LYZL2: variants seen among roughly 807,000 people sequenced by gnomAD.
LYZL2 encodes lysozyme-like protein 2.
LYZL2 carries 13 observed loss-of-function variants against 17.1 expected under a neutral mutation model. The observed-to-expected ratio is 0.76, with a 90% CI of 0.49 to 1.21. The LOEUF is 1.21. LYZL2 is among the 50% of genes most tolerant of loss of function. The pLI, the probability that LYZL2 is intolerant of heterozygous loss-of-function variation, is 0.00. For missense variants in LYZL2, 166 were observed against 189.2 expected (o/e 0.88, Z 0.72); for synonymous variants, 63 against 74.4 (o/e 0.85, Z 0.79).
intron 3 of LYZL2, among the ~76,000 whole-genome samples, chr10:30,615,179 A>T (rs1838508002): frequency 6.6e-6 from 1 of 152,250 alleles, no homozygotes; most frequent in South Asian, 2.1e-4. Context: ...ATATGTTTAT[A>T]TAGAGAGTGG....
At chr10:30,625,998 A>G in intron 3 of LYZL2, 107 bp downstream of exon 3, 9 of 1,508,306 alleles carry the variant, frequency 6.0e-6, no homozygotes, top group Non-Finnish European at 8.0e-6. Flanking sequence ...ACCTATTTGC[A>G]AGTCTGAACT....
chr10:30,609,540 G>A (rs960448549), downstream of LYZL2, among the ~76,000 whole-genome samples: 2 of 152,258 alleles, frequency 1.3e-5, no homozygotes, highest in Non-Finnish European at 2.9e-5. Flanking sequence ...CAAAGAGCCA[G>A]ATGCTGGAGA....
downstream of LYZL2, among the ~76,000 whole-genome samples, chr10:30,609,730 T>C (rs1564405346): frequency 6.6e-6 from 1 of 152,188 alleles, no homozygotes; most frequent in East Asian, 1.9e-4. Flanking sequence ...AAAGGGAACA[T>C]GAGTGTGGGT....
chr10:30,614,385 C>T (rs1443925972), intron 3 of LYZL2, among the ~76,000 whole-genome samples: 1 of 152,206 alleles, frequency 6.6e-6, no homozygotes, highest in Non-Finnish European at 1.5e-5. Flanking sequence ...CAAGTCAGGC[C>T]CACATGCCAG....
intron 3 of LYZL2, among the ~76,000 whole-genome samples, chr10:30,625,450 A>T (rs1838686937): frequency 6.6e-6 from 1 of 152,110 alleles, no homozygotes; most frequent in Non-Finnish European, 1.5e-5. Context: ...GTGAAGTCAG[A>T]CAGTCACCTT....
At chr10:30,608,831 A>T (rs11008144), downstream of LYZL2, among the ~76,000 whole-genome samples, 19,320 of 152,108 alleles carry the variant, frequency 0.13, 1,393 homozygotes, top group East Asian at 0.24. Flanking sequence ...AAACCCATCA[A>T]ATTTTTTAAT....
At chr10:30,612,076 C>A in intron 4 of LYZL2, 52 bp from the exon 5 acceptor site, 1 of 1,599,292 alleles carries the variant, frequency 6.3e-7, no homozygotes, top group Non-Finnish European at 8.6e-7. Flanking sequence ...ACAATCCAAA[C>A]CGTCTCAGTT....
intron 3 of LYZL2, among the ~76,000 whole-genome samples, chr10:30,613,995 C>G (rs1378967431): frequency 6.6e-5 from 10 of 152,140 alleles, no homozygotes; most frequent in Non-Finnish European, 1.5e-4. Flanking sequence ...CAGACATGAG[C>G]CACCATGCCC....
At position 30,626,761 on chromosome 10, in the gene LYZL2, A is replaced by G; in HGVS notation, c.139+16T>C. The G allele has an allele frequency of 1.9e-6, 3 of 1,614,242 alleles. No homozygotes were observed. Among genetic ancestry groups the G allele is most frequent in the Middle Eastern group, 1.6e-4 (1 of 6,062 alleles). On this transcript the variant is annotated intron_variant, in intron 2 of 4. Coordinates refer to ENST00000647634, the MANE Select transcript of LYZL2 (RefSeq NM_183058.3). ...AGGTCAAGGACAGAAAGAGAGCAGG[A>G]AAGAAATAATCTCACAGTTTCCAAG... is the stretch of plus-strand genomic sequence containing the variant.
At chr10:30,624,483 C>G (rs2132948498) in intron 3 of LYZL2, among the ~76,000 whole-genome samples, 1 of 150,972 alleles carries the variant, frequency 6.6e-6, no homozygotes. Flanking sequence ...GATTCTTAAT[C>G]CCTCACTTCA....
intron 3 of LYZL2, 46 bp downstream of exon 3, chr10:30,626,059 C>G (rs1315069424): frequency 1.4e-5 from 22 of 1,581,706 alleles, no homozygotes; most frequent in Non-Finnish European, 1.9e-5. Context: ...TGTCGGCTTT[C>G]TCACCTGGTC....
At chr10:30,620,884 C>T (rs1018315151) in intron 3 of LYZL2, among the ~76,000 whole-genome samples, 4 of 151,450 alleles carry the variant, frequency 2.6e-5, no homozygotes, top group Admixed American at 6.6e-5. Context: ...AAGTAACAGC[C>T]GACTTGAAGA....
chr10:30,617,674 CAAAAAAAAAAAA>C (rs1165550893), intron 3 of LYZL2, among the ~76,000 whole-genome samples: 1 of 50,216 alleles, frequency 2.0e-5, no homozygotes, highest in Non-Finnish European at 3.6e-5. Context: ...GACTCTGTCT[CAAAAAAAAAAAA>C]AAAAAAAAAA....
chr10:30,611,710 GAAAGAAAGAAAGA>G (rs1013095075), downstream of LYZL2: 35 of 423,382 alleles, frequency 8.3e-5, 1 homozygote, highest in Middle Eastern at 6.2e-4. Context: ...GAAAAAGAAA[GAAAGAAAGAAAGA>G]AAAGAAAAGA....
At chr10:30,627,827 GAGATGAA>G (rs1564411168) in intron 1 of LYZL2, among the ~76,000 whole-genome samples, 1 of 152,194 alleles carries the variant, frequency 6.6e-6, no homozygotes. Flanking sequence ...ATTTCAGCCA[GAGATGAA>G]ATACACGTGG....
chr10:30,625,825 T>A (rs1222675696), intron 3 of LYZL2, among the ~76,000 whole-genome samples: 1 of 152,138 alleles, frequency 6.6e-6, no homozygotes, highest in African/African-American at 2.4e-5. Context: ...ACATCAAATA[T>A]CTCTATACAT....
chr10:30,610,713 A>G (rs145512508), downstream of LYZL2, among the ~76,000 whole-genome samples: 206 of 152,258 alleles, frequency 1.4e-3, no homozygotes, highest in African/African-American at 4.6e-3. Flanking sequence ...GATTAAAAGC[A>G]TGAGCCACTG....
At chr10:30,611,601 A>AAGAG (rs1838440830), downstream of LYZL2, among the ~76,000 whole-genome samples, 1 of 120,086 alleles carries the variant, frequency 8.3e-6, no homozygotes, top group Non-Finnish European at 1.8e-5. Flanking sequence ...GAAAGAAAGA[A>AAGAG]AGAAAGAAAG....
chr10:30,611,948 T>C lies in LYZL2; in HGVS notation c.*7A>G. 6.2e-7 allele frequency: 1 copy of C among 1,614,150 alleles called. No homozygotes were observed. Among genetic ancestry groups the C allele is most frequent in the South Asian group, 1.1e-5 (1 of 91,076 alleles). ...TTGCTGCAAAGCATCCTGGGTCCAGTTCCAGTTTAGGAAACCTCACAGTCT... is the reference window on the plus strand; with the variant it reads ...TTGCTGCAAAGCATCCTGGGTCCAGCTCCAGTTTAGGAAACCTCACAGTCT... On this transcript the variant is annotated 3_prime_UTR_variant, in exon 5 of 5. Coordinates refer to ENST00000647634, the MANE Select transcript of LYZL2 (RefSeq NM_183058.3).
Sources: allele counts gnomAD v4.1 joint callset (sites outside exome capture counted in the v4.1 genomes callset), GRCh38; gene constraint gnomAD v4.1.1; transcripts MANE v1.5; gene names NCBI Gene and HGNC (gene_info 2026-07-23, HGNC 2026-07-21).